CCDC171: variants seen among roughly 807,000 people sequenced by gnomAD.
The protein encoded by CCDC171 is coiled-coil domain-containing protein 171.
In CCDC171, 177 loss-of-function variants were observed where a neutral mutation model predicts 168.2. The ratio of observed to expected loss-of-function variants is 1.05; its 90% CI spans 0.93 to 1.19. CCDC171 has a LOEUF of 1.19. CCDC171 is among the 50% of genes most tolerant of loss of function. The pLI, the probability that CCDC171 is intolerant of heterozygous loss-of-function variation, is 0.00. For synonymous variants in CCDC171, 687 were observed against 540.8 expected (o/e 1.27, Z -3.75); for missense variants, 1,991 against 1,539.0 (o/e 1.29, Z -4.91).
intron 7 of CCDC171, among the ~76,000 whole-genome samples, chr9:15,636,190 A>G (rs1017413255): frequency 6.6e-6 from 1 of 152,106 alleles, no homozygotes; most frequent in African/African-American, 2.4e-5. Flanking sequence ...CTAACGATGG[A>G]GGAAACTGGG....
chr9:16,100,874 C>T, the CCDC171 span, among the ~76,000 whole-genome samples: 2 of 152,156 alleles, frequency 1.3e-5, no homozygotes, highest in Admixed American at 1.3e-4. Context: ...TGGTTTCTTG[C>T]TCCCCCTTCA....
rs1250357198 is a variant in CCDC171 at position 15,578,815 on chromosome 9, T to G, written c.178-34T>G. ...TTTGAGTGTATGATCTCATAATCTT[T>G]GGACACATGTTGATATCAGGAATCT... On this transcript the variant is annotated intron_variant, in intron 3 of 25. Coordinates refer to ENST00000380701, the MANE Select transcript of CCDC171 (RefSeq NM_173550.4). 4 of 1,574,400 alleles carry G rather than the reference T, an allele frequency of 2.5e-6. No individual in the cohort carries two copies. In the East Asian group the frequency reaches 6.7e-5, roughly 27 times the overall value.
In CCDC171 at chr9:15,946,197, A is replaced by G. The variant is rs34143568; in HGVS notation, c.3754-25412A>G. ...TCAAAGATCAGATAGTTGTAGATATATGGCATTATTTCTGAGGGCTCTGTT... is the reference window on the plus strand; with the variant it reads ...TCAAAGATCAGATAGTTGTAGATATGTGGCATTATTTCTGAGGGCTCTGTT... On this transcript the variant is annotated intron_variant, in intron 25 of 25. Transcript: ENST00000380701. 7.5e-3 allele frequency among the ~76,000 whole-genome samples: 1,134 copies of G among 151,642 alleles called. 4 individuals are homozygous for G. The highest frequency in any genetic ancestry group is 0.026 in the African/African-American group (1,067 of 41,268).
chr9:15,911,151 C>A (rs1356452149), intron 24 of CCDC171, among the ~76,000 whole-genome samples: 3 of 152,176 alleles, frequency 2.0e-5, no homozygotes, highest in Non-Finnish European at 4.4e-5. Flanking sequence ...AACTAATTTA[C>A]ACCCCCACCA....
chr9:15,743,260 G>T (rs1240307295), intron 16 of CCDC171, among the ~76,000 whole-genome samples: 1 of 146,772 alleles, frequency 6.8e-6, no homozygotes, highest in Non-Finnish European at 1.5e-5. Flanking sequence ...CAACCTCCTG[G>T]ATTCAATTGA....
intron 18 of CCDC171, among the ~76,000 whole-genome samples, chr9:15,765,183 A>G (rs927111810): frequency 6.6e-6 from 1 of 152,190 alleles, no homozygotes; most frequent in African/African-American, 2.4e-5. Context: ...AGTTGAGACA[A>G]AGTCCGACTG....
At chr9:15,821,998 G>C (rs2059793754) in intron 21 of CCDC171, among the ~76,000 whole-genome samples, 2 of 152,044 alleles carry the variant, frequency 1.3e-5, no homozygotes, top group African/African-American at 4.8e-5. Flanking sequence ...ATAGACCCCG[G>C]AACACAACAG....
chr9:15,971,928 C>A lies in CCDC171; in HGVS notation c.*92C>A. 1 of 1,090,012 alleles carries A rather than the reference C, an allele frequency of 9.2e-7. No individual in the cohort carries two copies. Among genetic ancestry groups the A allele is most frequent in the Non-Finnish European group, 1.4e-6 (1 of 734,770 alleles). 67.5% of individuals were successfully genotyped at this position (1,090,012 alleles called of 1,614,324 possible). A position where few individuals can be genotyped will look rare whatever the true frequency, so the allele number is the denominator to read the frequency against. On this transcript the variant is annotated 3_prime_UTR_variant, in exon 26 of 26. Coordinates refer to ENST00000380701, the MANE Select transcript of CCDC171 (RefSeq NM_173550.4). Reference sequence around the variant, plus strand: ...TCTTATCAGTTGACTTTTGTTTCAGCAGAAGTGGCAGTGGATTTAAAAAAT... The same window carrying A: ...TCTTATCAGTTGACTTTTGTTTCAGAAGAAGTGGCAGTGGATTTAAAAAAT...
chr9:15,644,808 C>T (rs1193543725), intron 7 of CCDC171, among the ~76,000 whole-genome samples: 1 of 152,248 alleles, frequency 6.6e-6, no homozygotes, highest in Admixed American at 6.5e-5. Context: ...TAGACTCCAC[C>T]TCTGGGGGCA....
intron 3 of CCDC171, among the ~76,000 whole-genome samples, chr9:16,001,455 G>A (rs370177793): frequency 2.0e-5 from 3 of 151,988 alleles, no homozygotes; most frequent in South Asian, 4.2e-4. Flanking sequence ...AAGTATTTAC[G>A]GTAGGGTGTG....
At chr9:15,902,056 G>A (rs531970601) in intron 24 of CCDC171, among the ~76,000 whole-genome samples, 1 of 152,148 alleles carries the variant, frequency 6.6e-6, no homozygotes, top group African/African-American at 2.4e-5. Context: ...ATGGCAAGTG[G>A]CTAACAGAAA....
intron 25 of CCDC171, among the ~76,000 whole-genome samples, chr9:15,960,038 T>TG (rs1163142656): frequency 6.6e-6 from 1 of 152,112 alleles, no homozygotes; most frequent in Non-Finnish European, 1.5e-5. Context: ...CAGCTCTTGA[T>TG]GGGGAATCCA....
At chr9:15,567,776 C>T (rs1464522397) in intron 2 of CCDC171, among the ~76,000 whole-genome samples, 2 of 152,004 alleles carry the variant, frequency 1.3e-5, no homozygotes, top group African/African-American at 4.8e-5. Context: ...GCCTCAGCCT[C>T]CTTAGTAGCT....
chr9:15,600,729 C>T (rs544202709), intron 6 of CCDC171, among the ~76,000 whole-genome samples: 2 of 152,342 alleles, frequency 1.3e-5, no homozygotes, highest in South Asian at 4.1e-4. Flanking sequence ...GCCCTGCCCC[C>T]AGAGGTGGAG....
At chr9:15,902,224 A>G (rs1821772867) in intron 24 of CCDC171, among the ~76,000 whole-genome samples, 1 of 149,926 alleles carries the variant, frequency 6.7e-6, no homozygotes, top group South Asian at 2.1e-4. Flanking sequence ...TTTTCTCAAA[A>G]TGATACAAAG....
In CCDC171 at chr9:15,684,447, T is replaced by C. The variant is rs1054830787; in HGVS notation, c.1215+5551T>C. On this transcript the variant is annotated intron_variant, in intron 10 of 25. Transcript: ENST00000380701. ...ATGGTTTTTATTGTTATTTATGACT[T>C]GAGTCAACTTTTTCCATAGCAGATC... Among the ~76,000 whole-genome samples the C allele has an allele frequency of 4.6e-5, 7 of 152,102 alleles. No homozygotes were observed. In the East Asian group the frequency reaches 1.4e-3, roughly 29 times the overall value.
intron 11 of CCDC171, among the ~76,000 whole-genome samples, chr9:15,711,153 G>A (rs1160063283): frequency 1.3e-5 from 2 of 151,964 alleles, no homozygotes; most frequent in African/African-American, 4.8e-5. Context: ...TCGTGACTAA[G>A]GAATTGAAAA....
chr9:15,793,987 C>T (rs535591826), intron 21 of CCDC171, among the ~76,000 whole-genome samples: 29 of 149,962 alleles, frequency 1.9e-4, no homozygotes, highest in African/African-American at 6.1e-4. Context: ...TTTTTTTTCT[C>T]CTGCTTTACT....
chr9:16,096,492 T>C, the CCDC171 span, among the ~76,000 whole-genome samples: 7 of 152,268 alleles, frequency 4.6e-5, no homozygotes, highest in South Asian at 8.3e-4. Context: ...AGCTCTTTGG[T>C]TAGTATGTGC....
Sources: allele counts gnomAD v4.1 joint callset (sites outside exome capture counted in the v4.1 genomes callset), GRCh38; gene constraint gnomAD v4.1.1; transcripts MANE v1.5; gene names NCBI Gene and HGNC (gene_info 2026-07-23, HGNC 2026-07-21).